The following VEGFC variants were observed in gnomAD, a reference collection of about 807,000 sequenced individuals.
VEGFC encodes FLT4 ligand DHM.
Under a neutral mutation model 46.1 loss-of-function variants are expected in VEGFC, and 12 were observed. That is an observed-to-expected ratio of 0.26 (90% CI 0.17 to 0.42). The LOEUF (loss-of-function observed/expected upper bound fraction) is 0.42. Among genes scored for constraint, VEGFC ranks in the 10% least tolerant of loss-of-function variants. The probability of loss-of-function intolerance (pLI) is 1.00; values close to 1 mark genes in which losing one functional copy is unlikely to be tolerated. For missense variants in VEGFC, 488 were observed against 529.4 expected, an observed-to-expected ratio of 0.92 and a Z score of 0.77; for synonymous variants, 232 against 195.5, an observed-to-expected ratio of 1.19 and a Z score of -1.56.
At chr4:176,705,172 T>A (rs1441354786) in intron 4 of VEGFC, among the ~76,000 whole-genome samples, 1 of 152,138 alleles carries the variant, frequency 6.6e-6, no homozygotes, top group Non-Finnish European at 1.5e-5. Flanking sequence ...ATTATAGAGA[T>A]AGAAGACCTG....
intron 1 of VEGFC, among the ~76,000 whole-genome samples, chr4:176,731,649 C>G (rs1438116833): frequency 6.6e-6 from 1 of 151,874 alleles, no homozygotes; most frequent in African/African-American, 2.4e-5. Flanking sequence ...TACAAGTCAG[C>G]TGTGATTCAA....
Position 176,719,878 on chromosome 4 carries a change from T to G in VEGFC, c.552+7900A>C, listed in dbSNP as rs969056727. Among the ~76,000 whole-genome samples, 11 of 152,174 alleles carry G rather than the reference T, an allele frequency of 7.2e-5. No homozygotes were observed. The East Asian group carries it at 1.7e-3, about 24-fold the overall frequency. The stretch of plus-strand genomic sequence containing the variant: ...GAGTTCGAGACCAGCCTGGCCAACG[T>G]GGTGAAAACCTATCTCTATTAAAAT... On this transcript the variant is annotated intron_variant, in intron 3 of 6. Coordinates refer to ENST00000618562, the MANE Select transcript of VEGFC (RefSeq NM_005429.5).
intron 1 of VEGFC, among the ~76,000 whole-genome samples, chr4:176,741,008 T>C (rs1735162737): frequency 6.6e-6 from 1 of 152,018 alleles, no homozygotes; most frequent in South Asian, 2.1e-4. Flanking sequence ...AAAGTATCTT[T>C]AGATTTACAT....
chr4:176,729,725 C>T lies in VEGFC; in HGVS notation c.169G>A (p.Glu57Lys). Residue 57 changes from glutamate (E) to lysine (K), a missense_variant, in exon 2 of 7, where the codon GAG (glutamate) becomes AAG (lysine). Transcript: ENST00000618562. The stretch of plus-strand genomic sequence containing the variant: ...CTGGACACAGACCGTAACTGCTCCT[C>T]CAGATCTTTGCTTGCATAAGCCTGT... ...EATAYASKDL[E>K]EQLRSVSSVD... The T allele has an allele frequency of 1.3e-6, 2 of 1,597,844 alleles. No individual in the cohort carries two copies. The highest frequency in any genetic ancestry group is 1.7e-5 in the Admixed American group (1 of 57,410).
intron 4 of VEGFC, among the ~76,000 whole-genome samples, chr4:176,710,754 G>C (rs1433657597): frequency 6.6e-6 from 1 of 152,028 alleles, no homozygotes; most frequent in Non-Finnish European, 1.5e-5. Context: ...CAGATCTTAG[G>C]CAGTAATGCA....
intron 1 of VEGFC, among the ~76,000 whole-genome samples, chr4:176,736,999 A>G (rs939358681): frequency 6.6e-6 from 1 of 151,116 alleles, no homozygotes; most frequent in Admixed American, 6.6e-5. Context: ...TATTTTAAGT[A>G]TTCTTAAACA....
intron 4 of VEGFC, among the ~76,000 whole-genome samples, chr4:176,690,622 TATC>T (rs199742565): frequency 1.8e-5 from 2 of 108,538 alleles, no homozygotes; most frequent in Admixed American, 9.0e-5. Context: ...TCCAAAACAG[TATC>T]ATTGTTTTTA....
At chr4:176,789,369 A>G (rs1736052350) in intron 1 of VEGFC, among the ~76,000 whole-genome samples, 1 of 152,232 alleles carries the variant, frequency 6.6e-6, no homozygotes, top group Non-Finnish European at 1.5e-5. Context: ...CTGTCTTGTG[A>G]ATAAATAGCT....
intron 6 of VEGFC, among the ~76,000 whole-genome samples, chr4:176,686,692 A>G (rs561996110): frequency 3.7e-4 from 56 of 152,250 alleles, no homozygotes; most frequent in African/African-American, 1.3e-3. Flanking sequence ...AGTTTAAGAC[A>G]TGAGTCTTGG....
chr4:176,747,323 T>G (rs1431958821), intron 1 of VEGFC, among the ~76,000 whole-genome samples: 2 of 152,116 alleles, frequency 1.3e-5, no homozygotes, highest in Admixed American at 1.3e-4. Flanking sequence ...GATCCCAATC[T>G]TATTTTGAAT....
intron 1 of VEGFC, among the ~76,000 whole-genome samples, chr4:176,747,878 G>A (rs1735283256): frequency 6.6e-6 from 1 of 152,018 alleles, no homozygotes; most frequent in Admixed American, 6.6e-5. Flanking sequence ...ATAGGAGGAA[G>A]CTGGCTTGGG....
intron 3 of VEGFC, among the ~76,000 whole-genome samples, chr4:176,725,325 C>G (rs931278656): frequency 5.3e-5 from 8 of 152,012 alleles, no homozygotes; most frequent in Non-Finnish European, 1.0e-4. Context: ...GTTTTTGAAA[C>G]AGGGTCATGC....
intron 1 of VEGFC, among the ~76,000 whole-genome samples, chr4:176,780,661 T>C (rs2110944005): frequency 6.6e-6 from 1 of 152,214 alleles, no homozygotes; most frequent in East Asian, 1.9e-4. Context: ...AAAGTTAAAC[T>C]CAACATCAAG....
intron 4 of VEGFC, among the ~76,000 whole-genome samples, chr4:176,711,271 C>T (rs1734615004): frequency 6.6e-6 from 1 of 152,160 alleles, no homozygotes; most frequent in African/African-American, 2.4e-5. Context: ...CACAGACATA[C>T]TTCTTTTATA....
At chr4:176,748,524 A>G (rs1184179308) in intron 1 of VEGFC, among the ~76,000 whole-genome samples, 1 of 152,038 alleles carries the variant, frequency 6.6e-6, no homozygotes, top group Non-Finnish European at 1.5e-5. Context: ...CGAAGAAAAG[A>G]AGGAAAGAGG....
intron 1 of VEGFC, among the ~76,000 whole-genome samples, chr4:176,736,960 C>T (rs1735064955): frequency 6.6e-6 from 1 of 151,102 alleles, no homozygotes; most frequent in South Asian, 2.1e-4. Flanking sequence ...AATGATCCTT[C>T]CAGTTCAACA....
intron 4 of VEGFC, among the ~76,000 whole-genome samples, chr4:176,697,716 CAA>C (rs1211427465): frequency 3.3e-5 from 5 of 151,612 alleles, no homozygotes; most frequent in Non-Finnish European, 7.4e-5. Flanking sequence ...TTCACGATAG[CAA>C]AGACTTGGAA....
chr4:176,711,483 T>A lies in VEGFC; in HGVS notation c.704+16A>T. ...TAGTAGAGGATGCAGAAAAAATAGATTTAATTCATACTCACTGTGGTAGTG... is the reference window on the plus strand; with the variant it reads ...TAGTAGAGGATGCAGAAAAAATAGAATTAATTCATACTCACTGTGGTAGTG... On this transcript the variant is annotated intron_variant, in intron 4 of 6. Coordinates refer to ENST00000618562, the MANE Select transcript of VEGFC (RefSeq NM_005429.5). 6.3e-7 allele frequency: 1 copy of A among 1,593,940 alleles called. No homozygotes were observed. Among genetic ancestry groups the A allele is most frequent in the Non-Finnish European group, 8.5e-7 (1 of 1,171,368 alleles).
At chr4:176,738,875 T>C (rs1735102690) in intron 1 of VEGFC, among the ~76,000 whole-genome samples, 1 of 151,778 alleles carries the variant, frequency 6.6e-6, no homozygotes, top group South Asian at 2.1e-4. Flanking sequence ...CATTAAAAAG[T>C]GGGCAAAGAA....
Sources: allele counts gnomAD v4.1 joint callset (sites outside exome capture counted in the v4.1 genomes callset), GRCh38; gene constraint gnomAD v4.1.1; transcripts MANE v1.5; gene names NCBI Gene and HGNC (gene_info 2026-07-23, HGNC 2026-07-21).